The following LRRC37A2 variants were observed in gnomAD, a reference collection of about 807,000 sequenced individuals.
LRRC37A2 encodes leucine rich repeat containing 37 member A2, also known as leucine-rich repeat-containing protein 37A2.
In LRRC37A2, 9 loss-of-function variants were observed where a neutral mutation model predicts 68.8. That is an observed-to-expected ratio of 0.13 (90% CI 0.08 to 0.23). The LOEUF is 0.23. Among genes scored for constraint, LRRC37A2 ranks in the 10% least tolerant of loss-of-function variants. LRRC37A2 has a pLI of 1.00. For synonymous variants in LRRC37A2, 63 were observed against 367.6 expected (o/e 0.17, Z 9.48); for missense variants, 168 against 950.4 (o/e 0.18, Z 10.82).
At chr17:46,825,902 A>C in the LRRC37A2 span, among the ~76,000 whole-genome samples, 1 of 152,234 alleles carries the variant, frequency 6.6e-6, no homozygotes, top group East Asian at 1.9e-4. Context: ...GCATGCCTGT[A>C]ATCCCAGCTA....
At chr17:46,595,515 G>A in the LRRC37A2 span, among the ~76,000 whole-genome samples, 2 of 122,276 alleles carry the variant, frequency 1.6e-5, no homozygotes, top group African/African-American at 8.8e-5. Flanking sequence ...TTTTGAGACG[G>A]AGTCTTGCTC....
At chr17:46,716,994 G>T in the LRRC37A2 span, among the ~76,000 whole-genome samples, 3 of 151,882 alleles carry the variant, frequency 2.0e-5, no homozygotes, top group Non-Finnish European at 4.4e-5. Context: ...TTGTTTCCAG[G>T]TTTTTTTCAC....
chr17:47,024,890 C>T, the LRRC37A2 span: 12 of 574,440 alleles, frequency 2.1e-5, no homozygotes, highest in Admixed American at 1.2e-4. Flanking sequence ...GGTCTCAGCC[C>T]ATCTCTAGCA....
At chr17:46,525,297 CAT>C (rs1302124111) in intron 6 of LRRC37A2, among the ~76,000 whole-genome samples, 1 of 88,808 alleles carries the variant, frequency 1.1e-5, no homozygotes, top group Non-Finnish European at 2.3e-5. Flanking sequence ...GGGAGTCCCT[CAT>C]AAAAATCTGG....
chr17:47,001,803 C>G, the LRRC37A2 span, among the ~76,000 whole-genome samples: 1 of 145,606 alleles, frequency 6.9e-6, no homozygotes, highest in Admixed American at 7.0e-5. Context: ...CTCACTGCAA[C>G]CTCCGCCTCC....
At chr17:46,883,742 T>G in the LRRC37A2 span, among the ~76,000 whole-genome samples, 1 of 152,130 alleles carries the variant, frequency 6.6e-6, no homozygotes, top group South Asian at 2.1e-4. Flanking sequence ...ATGAGGGAGT[T>G]GCAAGGATTC....
chr17:46,978,296 A>G, the LRRC37A2 span: 212 of 325,184 alleles, frequency 6.5e-4, no homozygotes, highest in Middle Eastern at 1.7e-3. Flanking sequence ...ACCCGCACCA[A>G]CGTACACACA....
intron 6 of LRRC37A2, among the ~76,000 whole-genome samples, chr17:46,535,167 G>A (rs1490619311): frequency 9.4e-5 from 14 of 149,216 alleles, no homozygotes; most frequent in Non-Finnish European, 1.6e-4. Flanking sequence ...GGTACTGGGA[G>A]TACAGGTGTG....
the LRRC37A2 span, among the ~76,000 whole-genome samples, chr17:46,828,327 G>T: frequency 1.3e-5 from 2 of 152,042 alleles, no homozygotes; most frequent in Admixed American, 1.3e-4. Context: ...TTCCCAAGGA[G>T]CTGGGACTAC....
At chr17:47,020,991 A>C in the LRRC37A2 span, among the ~76,000 whole-genome samples, 1 of 151,942 alleles carries the variant, frequency 6.6e-6, no homozygotes, top group Non-Finnish European at 1.5e-5. Flanking sequence ...TTAAATAGAA[A>C]AAAAATGGGA....
At chr17:47,005,116 T>G in the LRRC37A2 span, among the ~76,000 whole-genome samples, 2 of 152,228 alleles carry the variant, frequency 1.3e-5, no homozygotes, top group Admixed American at 1.3e-4. Flanking sequence ...ACCCCAACAG[T>G]TTCCCCTGGA....
chr17:47,003,090 A>T, the LRRC37A2 span, among the ~76,000 whole-genome samples: 1 of 151,590 alleles, frequency 6.6e-6, no homozygotes, highest in Non-Finnish European at 1.5e-5. Context: ...TTCTACAAAT[A>T]TTTTTAAAAA....
chr17:46,911,878 G>C, the LRRC37A2 span, among the ~76,000 whole-genome samples: 2 of 152,056 alleles, frequency 1.3e-5, no homozygotes, highest in Non-Finnish European at 2.9e-5. Context: ...ATGAGACTCC[G>C]TCTCAAAATA....
At chr17:46,737,017 T>A in the LRRC37A2 span, among the ~76,000 whole-genome samples, 6,119 of 152,250 alleles carry the variant, frequency 0.04, 605 homozygotes, top group East Asian at 0.25. Flanking sequence ...GGAAGTTTCT[T>A]TTTCACCAAA....
At chr17:46,599,955 T>C in the LRRC37A2 span, among the ~76,000 whole-genome samples, 1 of 127,702 alleles carries the variant, frequency 7.8e-6, no homozygotes, top group Non-Finnish European at 1.6e-5. Context: ...TTTTTTTAGT[T>C]TTATTTAAAA....
At chr17:46,960,625 A>C in the LRRC37A2 span, among the ~76,000 whole-genome samples, 2 of 152,374 alleles carry the variant, frequency 1.3e-5, no homozygotes, top group Non-Finnish European at 2.9e-5. Flanking sequence ...AGACAGATAA[A>C]AATTTAAATT....
At chr17:46,884,822 G>A in the LRRC37A2 span, among the ~76,000 whole-genome samples, 2 of 152,114 alleles carry the variant, frequency 1.3e-5, no homozygotes, top group Admixed American at 1.3e-4. Context: ...ACTGGGATTG[G>A]GAGGTCTGGG....
chr17:46,472,923 A>AAT, the LRRC37A2 span, among the ~76,000 whole-genome samples: 206 of 63,996 alleles, frequency 3.2e-3, 1 homozygote, highest in African/African-American at 7.5e-3. Context: ...TCAAAAAAAA[A>AAT]ATATATATAT....
At chr17:46,787,690 A>T in the LRRC37A2 span, among the ~76,000 whole-genome samples, 250 of 152,314 alleles carry the variant, frequency 1.6e-3, 1 homozygote, top group Middle Eastern at 6.8e-3. Context: ...GCGGTGGCTC[A>T]CGCCTGTATT....
Sources: gnomAD v4.1 joint callset for allele counts (sites outside exome capture counted in the v4.1 genomes callset) on GRCh38, gnomAD v4.1.1 for gene constraint, MANE v1.5 for transcripts, NCBI Gene and HGNC (gene_info 2026-07-23, HGNC 2026-07-21) for gene names.